Variants in CAMTA1 observed in about 807,000 individuals in gnomAD.
CAMTA1 encodes calmodulin binding transcription activator 1.
Under a neutral mutation model 170.9 loss-of-function variants are expected in CAMTA1, and 27 were observed. That is an observed-to-expected ratio of 0.16 (90% CI 0.12 to 0.22). CAMTA1 has a LOEUF of 0.22. Ranked by LOEUF, CAMTA1 falls within the 10% of genes least tolerant of loss-of-function variation. The pLI is 1.00. For missense variants in CAMTA1, 1,619 were observed against 2,217.2 expected (o/e 0.73, Z 5.42); for synonymous variants, 833 against 891.5 (o/e 0.93, Z 1.17).
chr1:7,131,211 C>T (rs950125789), intron 4 of CAMTA1, among the ~76,000 whole-genome samples: 4 of 152,178 alleles, frequency 2.6e-5, no homozygotes, highest in Non-Finnish European at 5.9e-5. Flanking sequence ...CTCGGCCTCC[C>T]AAAGTGCCAG....
chr1:7,216,238 A>C lies in CAMTA1; in HGVS notation c.303-33253A>C, dbSNP rs1659730248. On this transcript the variant is annotated intron_variant, in intron 4 of 22. Coordinates refer to ENST00000303635, the MANE Select transcript of CAMTA1 (RefSeq NM_015215.4). The surrounding 1 kb of genome is among the most constrained non-coding windows in gnomAD (Gnocchi z 4.0). ...CTATCACAAAAACAGCAAGGGGGAA[A>C]TCCTCCCCCATGATTCAGTCACCTC... Among the ~76,000 whole-genome samples, 2 of 152,038 alleles carry C rather than the reference A, an allele frequency of 1.3e-5. No homozygotes were observed. Among genetic ancestry groups the C allele is most frequent in the African/African-American group, 4.8e-5 (2 of 41,394 alleles).
intron 1 of CAMTA1, among the ~76,000 whole-genome samples, chr1:6,791,741 C>G (rs1641159474): frequency 6.6e-6 from 1 of 152,180 alleles, no homozygotes; most frequent in Non-Finnish European, 1.5e-5. Flanking sequence ...ACTCTATTTT[C>G]CAGATAGTGT....
chr1:7,138,199 C>A (rs1645652987), intron 4 of CAMTA1, among the ~76,000 whole-genome samples: 1 of 152,130 alleles, frequency 6.6e-6, no homozygotes, highest in Non-Finnish European at 1.5e-5. Flanking sequence ...GTTGTCCAGG[C>A]TGGTCTCATC....
At chr1:7,740,943 T>G in intron 16 of CAMTA1, among the ~76,000 whole-genome samples, 1 of 152,094 alleles carries the variant, frequency 6.6e-6, no homozygotes, top group East Asian at 1.9e-4. Context: ...AATGAGAAGA[T>G]AACACTTAAA....
chr1:6,787,498 G>A (rs1160597692), intron 1 of CAMTA1, among the ~76,000 whole-genome samples: 2 of 152,228 alleles, frequency 1.3e-5, no homozygotes, highest in African/African-American at 4.8e-5. Flanking sequence ...ATACACAGAT[G>A]AAATCACATT....
At chr1:7,226,046 T>C (rs1456255857) in intron 4 of CAMTA1, among the ~76,000 whole-genome samples, 1 of 152,216 alleles carries the variant, frequency 6.6e-6, no homozygotes, top group Non-Finnish European at 1.5e-5. Context: ...TGTTTCCTTC[T>C]TGCCTTCTCT....
intron 4 of CAMTA1, among the ~76,000 whole-genome samples, chr1:7,233,856 AT>A (rs1663299867): frequency 6.6e-6 from 1 of 152,002 alleles, no homozygotes; most frequent in African/African-American, 2.4e-5. Context: ...TCGGCCTACT[AT>A]CACTTTTTCA....
intron 3 of CAMTA1, among the ~76,000 whole-genome samples, chr1:6,983,974 G>T (rs555995605): frequency 2.1e-4 from 32 of 150,002 alleles, no homozygotes; most frequent in Non-Finnish European, 3.6e-4. Flanking sequence ...AAATGGTTGG[G>T]TGGATGAGTG....
chr1:7,651,211 T>A (rs1255709237), intron 7 of CAMTA1, among the ~76,000 whole-genome samples: 2 of 152,124 alleles, frequency 1.3e-5, no homozygotes, highest in Non-Finnish European at 2.9e-5. Flanking sequence ...CTTTCTTGGG[T>A]GGCAGGGTAC....
intron 6 of CAMTA1, among the ~76,000 whole-genome samples, chr1:7,498,380 T>C (rs1231400977): frequency 1.4e-5 from 2 of 147,284 alleles, no homozygotes; most frequent in African/African-American, 2.5e-5. Flanking sequence ...TGTGTATGAG[T>C]GGATGTGTGT....
intron 5 of CAMTA1, among the ~76,000 whole-genome samples, chr1:7,323,608 C>T (rs559527381): frequency 1.2e-4 from 18 of 150,200 alleles, no homozygotes; most frequent in African/African-American, 4.4e-4. Flanking sequence ...CTGCAGCCTC[C>T]ACTTCCCAGG....
At chr1:6,894,160 C>T (rs1257031508) in intron 3 of CAMTA1, among the ~76,000 whole-genome samples, 1 of 151,116 alleles carries the variant, frequency 6.6e-6, no homozygotes, top group African/African-American at 2.4e-5. Context: ...CTTATTTTTT[C>T]AGTACCCACC....
Position 6,965,383 on chromosome 1 carries a change from A to AGCTTTT in CAMTA1, c.235-125921_235-125920insGCTTTT, listed in dbSNP as rs1255141087. ...TGAGCAGAGGCATTCTGTTGTTATA[A>AGCTTTT]ATAAGGCTGGTTTTTATATTCCCAT... On this transcript the variant is annotated intron_variant, in intron 3 of 22. Transcript: ENST00000303635. The surrounding 1 kb of genome is among the most constrained non-coding windows in gnomAD (Gnocchi z 4.1). Among the ~76,000 whole-genome samples the AGCTTTT allele has an allele frequency of 6.6e-6, 1 of 152,112 alleles. No individual in the cohort carries two copies. Among genetic ancestry groups the AGCTTTT allele is most frequent in the East Asian group, 1.9e-4 (1 of 5,194 alleles).
At chr1:7,170,613 C>G (rs1649406195) in intron 4 of CAMTA1, among the ~76,000 whole-genome samples, 1 of 152,128 alleles carries the variant, frequency 6.6e-6, no homozygotes, top group East Asian at 1.9e-4. Flanking sequence ...TGGCTTCCAG[C>G]TTCATCCATG....
At chr1:6,966,901 C>T (rs192845601) in intron 3 of CAMTA1, among the ~76,000 whole-genome samples, 7 of 151,304 alleles carry the variant, frequency 4.6e-5, no homozygotes, top group African/African-American at 7.3e-5. Flanking sequence ...CATGAGCCAC[C>T]GTGCCCGGCC....
chr1:6,828,877 A>G (rs904139803), intron 3 of CAMTA1, among the ~76,000 whole-genome samples: 111 of 143,058 alleles, frequency 7.8e-4, no homozygotes, highest in African/African-American at 2.4e-3. Flanking sequence ...CAGCAAGTCT[A>G]TTCTGTAACG....
Position 7,664,698 on chromosome 1 carries a change from C to T in CAMTA1, c.2151C>T (p.His717=). ...SGELQACSSE[H]YLQPETNGVI... ...AGCTGCAGGCTTGCAGCTCTGAGCACTACCTGCAGCCGGAGACCAACGGGG... is the reference window on the plus strand; with the variant it reads ...AGCTGCAGGCTTGCAGCTCTGAGCATTACCTGCAGCCGGAGACCAACGGGG... Residue 717 remains histidine, a synonymous_variant, in exon 9 of 23, where the codon CAC becomes CAT. Transcript: ENST00000303635. The T allele has an allele frequency of 1.2e-6, 2 of 1,608,522 alleles. No homozygotes were observed. The highest frequency in any genetic ancestry group is 1.7e-6 in the Non-Finnish European group (2 of 1,176,382).
At position 7,496,511 on chromosome 1, in the gene CAMTA1, A is replaced by G. The variant is rs1443891670; in HGVS notation, c.510+28610A>G. 7.9e-5 allele frequency among the ~76,000 whole-genome samples: 12 copies of G among 152,314 alleles called. No homozygotes were observed. The South Asian group carries it at 2.3e-3, about 29-fold the overall frequency. ...TCCTCCTGCAGCAGACAGGGCGGAC[A>G]TGGGCTCTGCTGGCTGCAGTGTCTG... On this transcript the variant is annotated intron_variant, in intron 6 of 22. Transcript: ENST00000303635.
chr1:6,789,263 T>C (rs1262991390), intron 1 of CAMTA1, among the ~76,000 whole-genome samples: 1 of 152,240 alleles, frequency 6.6e-6, no homozygotes, highest in Non-Finnish European at 1.5e-5. Flanking sequence ...AGCTGTGTTT[T>C]CTGTTTCCTT....
Sources: gnomAD v4.1 joint callset for allele counts (sites outside exome capture counted in the v4.1 genomes callset) on GRCh38, gnomAD v4.1.1 for gene constraint, Gnocchi (gnomAD v3.1) non-coding constraint, MANE v1.5 for transcripts, NCBI Gene and HGNC (gene_info 2026-07-23, HGNC 2026-07-21) for gene names.